SCCPDH: variants seen among roughly 807,000 people sequenced by gnomAD.
The protein encoded by SCCPDH is saccharopine dehydrogenase-like oxidoreductase.
A neutral mutation model predicts 51.5 loss-of-function variants in SCCPDH; 34 were observed. The observed-to-expected ratio is 0.66, with a 90% CI of 0.50 to 0.88. The LOEUF (loss-of-function observed/expected upper bound fraction) is 0.88. Among genes scored for constraint, SCCPDH ranks in the 40% least tolerant of loss-of-function variants. SCCPDH has a pLI of 0.00. For synonymous variants in SCCPDH, 187 were observed against 191.3 expected, an observed-to-expected ratio of 0.98 and a Z score of 0.19; for missense variants, 464 against 527.1, an observed-to-expected ratio of 0.88 and a Z score of 1.17.
chr1:246,745,297 T>C (rs1668741333), intron 5 of SCCPDH, among the ~76,000 whole-genome samples: 1 of 152,248 alleles, frequency 6.6e-6, no homozygotes, highest in Non-Finnish European at 1.5e-5. Flanking sequence ...AGGTCTGCAC[T>C]GTGGCTTCAG....
intron 3 of SCCPDH, among the ~76,000 whole-genome samples, chr1:246,738,355 A>G (rs896672522): frequency 1.3e-5 from 2 of 151,880 alleles, no homozygotes; most frequent in African/African-American, 4.8e-5. Context: ...TATTAAAAAT[A>G]CAAAAGTTAG....
rs768013420 is a variant in SCCPDH, at chr1:246,735,979, G to A, written c.308G>A (p.Arg103Gln). The A allele has an allele frequency of 4.0e-5, 65 of 1,606,140 alleles. 3 individuals are homozygous for A. The South Asian group carries it at 4.2e-4, about 10-fold the overall frequency. Residue 103 changes from arginine (R) to glutamine (Q), a missense_variant, in exon 3 of 12, where the codon CGG (arginine) becomes CAG (glutamine). Physicochemically the swap from Arg to Gln is conservative, Grantham distance 43. Coordinates refer to ENST00000366510, the MANE Select transcript of SCCPDH (RefSeq NM_016002.3). ...TVVLNCVGPY[R>Q]FYGEPVIKAC... Reference sequence around the variant, plus strand: ...TTGTTCTTTTTGTTTCCCTAGTATCGGTTTTATGGAGAACCTGTAATAAAA... The same window carrying A: ...TTGTTCTTTTTGTTTCCCTAGTATCAGTTTTATGGAGAACCTGTAATAAAA...
At chr1:246,727,577 G>A (rs1213296408) in intron 2 of SCCPDH, among the ~76,000 whole-genome samples, 1 of 152,196 alleles carries the variant, frequency 6.6e-6, no homozygotes, top group Non-Finnish European at 1.5e-5. Context: ...TTGAAGAAAA[G>A]TGAAGCCAAG....
Position 246,740,200 on chromosome 1 carries a change from A to G in SCCPDH, c.413A>G (p.His138Arg), listed in dbSNP as rs1668657072. 4 of 1,602,584 alleles carry G rather than the reference A, an allele frequency of 2.5e-6. No homozygotes were observed. The South Asian group carries it at 4.5e-5, about 18-fold the overall frequency. ...CTGGAACTAATGCAACTGAAGTATC[A>G]TGAGAAAGCTGCAGACAAAGGGGTT... ...QFLELMQLKY[H>R]EKAADKGVYI... The change falls in exon 4 of 12, where the codon CAT (histidine) becomes CGT (arginine). Residue 138 changes from histidine (H) to arginine (R), a missense_variant. Physicochemically the swap from His to Arg is conservative, Grantham distance 29. Transcript: ENST00000366510.
intron 10 of SCCPDH, 40 bp from the exon 11 acceptor site, chr1:246,766,018 A>C (rs1243639536): frequency 7.2e-7 from 1 of 1,385,876 alleles, no homozygotes; most frequent in East Asian, 2.3e-5. Context: ...TGGGTACTTC[A>C]TGATTCCTTT....
chr1:246,748,955 TC>T (rs1371337777), intron 5 of SCCPDH, among the ~76,000 whole-genome samples: 1 of 152,216 alleles, frequency 6.6e-6, no homozygotes, highest in Non-Finnish European at 1.5e-5. Flanking sequence ...AGGCTTGGTT[TC>T]ACTGCACCCT....
chr1:246,741,794 C>T (rs374171604), intron 4 of SCCPDH, among the ~76,000 whole-genome samples: 7 of 152,192 alleles, frequency 4.6e-5, no homozygotes, highest in African/African-American at 9.6e-5. Context: ...GGGCTGGGCA[C>T]GGTGGCTCAC....
At chr1:246,741,921 T>G (rs1345443168) in intron 4 of SCCPDH, among the ~76,000 whole-genome samples, 1 of 152,034 alleles carries the variant, frequency 6.6e-6, no homozygotes, top group Non-Finnish European at 1.5e-5. Flanking sequence ...ACAAAAAAAT[T>G]AGCTGGTCGT....
chr1:246,728,578 C>A (rs967761494), intron 2 of SCCPDH, among the ~76,000 whole-genome samples: 12 of 152,354 alleles, frequency 7.9e-5, no homozygotes, highest in Middle Eastern at 3.4e-3. Context: ...CTCTATTTCC[C>A]TCAGGAATTC....
intron 5 of SCCPDH, among the ~76,000 whole-genome samples, chr1:246,754,205 T>C (rs1229060041): frequency 6.6e-6 from 1 of 152,030 alleles, no homozygotes; most frequent in African/African-American, 2.4e-5. Context: ...TACCTTGGTC[T>C]GTGCACAGAG....
At chr1:246,751,801 T>C (rs990875543) in intron 5 of SCCPDH, among the ~76,000 whole-genome samples, 14 of 142,402 alleles carry the variant, frequency 9.8e-5, no homozygotes, top group Admixed American at 8.2e-4. Context: ...TGAGATGGAG[T>C]CTCGCTCTGT....
intron 3 of SCCPDH, among the ~76,000 whole-genome samples, chr1:246,736,741 A>C (rs573070735): frequency 6.6e-6 from 1 of 152,188 alleles, no homozygotes; most frequent in Non-Finnish European, 1.5e-5. Flanking sequence ...CCTTTATAAC[A>C]TTACAGAAAA....
rs183645605 is a variant in SCCPDH at position 246,734,336 on chromosome 1, G to T, written c.304-1639G>T. Among the ~76,000 whole-genome samples the T allele has an allele frequency of 2.0e-3, 312 of 152,286 alleles. 3 individuals are homozygous for T. Among genetic ancestry groups the T allele is most frequent in the Non-Finnish European group, 3.0e-3 (202 of 68,026 alleles). On this transcript the variant is annotated intron_variant, in intron 2 of 11. Coordinates refer to ENST00000366510, the MANE Select transcript of SCCPDH (RefSeq NM_016002.3). ...AACTTCTGTTTTAATCTCAACTTTA[G>T]TTCTATTTAAATATGTTTAAAATGT...
chr1:246,761,978 A>C (rs1669022980), intron 9 of SCCPDH, among the ~76,000 whole-genome samples: 1 of 152,226 alleles, frequency 6.6e-6, no homozygotes, highest in African/African-American at 2.4e-5. Flanking sequence ...ACTGTTCTGC[A>C]GAGCTGCTGC....
At chr1:246,729,397 A>G (rs12128579) in intron 2 of SCCPDH, among the ~76,000 whole-genome samples, 20,142 of 139,096 alleles carry the variant, frequency 0.14, 1,683 homozygotes, top group African/African-American at 0.22. Flanking sequence ...CAGAGCGGCC[A>G]TTTTAGAGAC....
At chr1:246,736,946 C>CAGTAATGCACCT (rs200661177) in intron 3 of SCCPDH, among the ~76,000 whole-genome samples, 3 of 151,988 alleles carry the variant, frequency 2.0e-5, no homozygotes, top group South Asian at 2.1e-4. Flanking sequence ...GTAACTCACT[C>CAGTAATGCACCT]AGTAATGCAC....
intron 2 of SCCPDH, among the ~76,000 whole-genome samples, chr1:246,734,019 T>G (rs904647587): frequency 6.6e-6 from 1 of 152,148 alleles, no homozygotes; most frequent in Admixed American, 6.6e-5. Flanking sequence ...GGGGCAGTGA[T>G]TCTCCATCTT....
At chr1:246,760,676 A>C (rs1668999431) in intron 9 of SCCPDH, among the ~76,000 whole-genome samples, 2 of 152,114 alleles carry the variant, frequency 1.3e-5, no homozygotes, top group African/African-American at 2.4e-5. Context: ...CAGCATCCCC[A>C]ACAATAGGAC....
chr1:246,740,360 T>C, intron 4 of SCCPDH, 59 bp downstream of exon 4: 9 of 1,407,430 alleles, frequency 6.4e-6, no homozygotes, highest in Non-Finnish European at 8.6e-6. Context: ...AGGCTTCATG[T>C]TTCTAACTGT....
Sources: gnomAD v4.1 joint callset for allele counts (sites outside exome capture counted in the v4.1 genomes callset) on GRCh38, gnomAD v4.1.1 for gene constraint, MANE v1.5 for transcripts, NCBI Gene and HGNC (gene_info 2026-07-23, HGNC 2026-07-21) for gene names.